Variants in ADD2 observed in about 807,000 individuals in gnomAD.
The protein encoded by ADD2 is adducin 2.
Under a neutral mutation model 83.0 loss-of-function variants are expected in ADD2, and 23 were observed. The observed-to-expected ratio is 0.28, with a 90% CI of 0.20 to 0.39. The LOEUF is 0.39. Among genes scored for constraint, ADD2 ranks in the 10% least tolerant of loss-of-function variants. ADD2 has a pLI of 1.00. For synonymous variants in ADD2, 375 were observed against 375.4 expected, an observed-to-expected ratio of 1.00 and a Z score of 0.01; for missense variants, 758 against 944.9, an observed-to-expected ratio of 0.80 and a Z score of 2.59.
At chr2:70,684,658 A>G (rs539709710) in intron 9 of ADD2, among the ~76,000 whole-genome samples, 2 of 152,372 alleles carry the variant, frequency 1.3e-5, no homozygotes, top group South Asian at 4.1e-4. Flanking sequence ...GGAAAAATAC[A>G]TTCTCCACAA....
intron 1 of ADD2, among the ~76,000 whole-genome samples, chr2:70,722,601 G>C (rs1553377568): frequency 6.6e-6 from 1 of 152,182 alleles, no homozygotes; most frequent in Non-Finnish European, 1.5e-5. Context: ...CAGATTTGTT[G>C]GCTGTCAATC....
At chr2:70,766,425 TA>T (rs1675384836) in intron 1 of ADD2, among the ~76,000 whole-genome samples, 1 of 152,226 alleles carries the variant, frequency 6.6e-6, no homozygotes, top group Non-Finnish European at 1.5e-5. Context: ...TTAAATGGTC[TA>T]AACCCCCCTT....
At chr2:70,733,799 A>G (rs1673392415) in intron 1 of ADD2, among the ~76,000 whole-genome samples, 1 of 152,194 alleles carries the variant, frequency 6.6e-6, no homozygotes, top group Non-Finnish European at 1.5e-5. Flanking sequence ...GAGGGTTTTA[A>G]TATTGTTAAT....
intron 4 of ADD2, 58 bp downstream of exon 4, chr2:70,704,263 T>TGCCCCCCCCCCCCAACC: frequency 1.1e-6 from 1 of 913,238 alleles, no homozygotes; most frequent in Non-Finnish European, 1.7e-6. Context: ...CTCCCTCTCT[T>TGCCCCCCCCCCCCAACC]CCCCACCCCA....
At chr2:70,745,489 A>T (rs954776124) in intron 1 of ADD2, among the ~76,000 whole-genome samples, 4 of 152,142 alleles carry the variant, frequency 2.6e-5, no homozygotes, top group African/African-American at 9.7e-5. Flanking sequence ...TTAGATGTGA[A>T]GGGGTTGGTC....
chr2:70,706,402 C>G lies in ADD2; in HGVS notation c.7G>C (p.Glu3Gln). The change falls in exon 3 of 16, where the codon GAA (glutamate) becomes CAA (glutamine). Residue 3 changes from glutamate to glutamine, a missense_variant. Coordinates refer to ENST00000264436, the MANE Select transcript of ADD2 (RefSeq NM_001617.4). The surrounding 1 kb of genome is among the most constrained non-coding windows in gnomAD (Gnocchi z 5.0). MS[E>Q]ETVPEAASPP... ...GAGGCAGCCTCGGGGACCGTCTCTTCGCTCATTTTCCCGGTGGGTTTGCAA... is the reference window on the plus strand; with the variant it reads ...GAGGCAGCCTCGGGGACCGTCTCTTGGCTCATTTTCCCGGTGGGTTTGCAA... The G allele has an allele frequency of 6.2e-7, 1 of 1,604,916 alleles. No homozygotes were observed. The highest frequency in any genetic ancestry group is 8.5e-7 in the Non-Finnish European group (1 of 1,176,124).
rs1553364958 is a variant in ADD2 at position 70,661,306 on chromosome 2, GT to G, written c.*2118del. ...ACGTCAGCATAATGCCTGGTGCTCA[GT>G]GGATCCTTAACAAATACCATGTAAG... On this transcript the variant is annotated 3_prime_UTR_variant, in exon 16 of 16. Coordinates refer to ENST00000264436, the MANE Select transcript of ADD2 (RefSeq NM_001617.4). 6.6e-6 allele frequency: 1 copy of G among 152,244 alleles called. No homozygotes were observed. The highest frequency in any genetic ancestry group is 1.5e-5 in the Non-Finnish European group (1 of 68,050). 9.4% of individuals were successfully genotyped at this position (152,244 alleles called of 1,614,324 possible).
intron 4 of ADD2, 48 bp downstream of exon 4, chr2:70,704,273 A>ACCCC: frequency 1.9e-6 from 1 of 523,440 alleles, no homozygotes; most frequent in Non-Finnish European, 3.1e-6. Flanking sequence ...TCCCCACCCC[A>ACCCC]CCCTCCCCTC....
intron 1 of ADD2, among the ~76,000 whole-genome samples, chr2:70,743,310 G>C (rs1248697255): frequency 6.6e-6 from 1 of 152,212 alleles, no homozygotes; most frequent in Non-Finnish European, 1.5e-5. Flanking sequence ...AAAAGGACAT[G>C]TGCAAAATAT....
At chr2:70,674,620 A>G in intron 14 of ADD2, 58 bp downstream of exon 14, 1 of 1,560,394 alleles carries the variant, frequency 6.4e-7, no homozygotes. Flanking sequence ...GGTAGTCCTG[A>G]GCTCTCCCCT....
intron 15 of ADD2, among the ~76,000 whole-genome samples, chr2:70,672,613 G>A (rs1574220362): frequency 6.6e-6 from 1 of 152,200 alleles, no homozygotes; most frequent in Admixed American, 6.5e-5. Context: ...TAACAGCCCC[G>A]GCCATGTCTG....
intron 1 of ADD2, among the ~76,000 whole-genome samples, chr2:70,754,759 T>G (rs370258943): frequency 2.0e-5 from 3 of 152,266 alleles, no homozygotes; most frequent in East Asian, 3.9e-4. Flanking sequence ...CCCTAGATCT[T>G]GCTGCTACCA....
At chr2:70,750,790 GC>G (rs1674467734) in intron 1 of ADD2, among the ~76,000 whole-genome samples, 1 of 152,146 alleles carries the variant, frequency 6.6e-6, no homozygotes, top group Non-Finnish European at 1.5e-5. Flanking sequence ...TGTAAAGGCA[GC>G]CCTGGGAAAT....
intron 9 of ADD2, chr2:70,687,410 C>T (rs185107141): frequency 6.5e-6 from 1 of 153,290 alleles, no homozygotes. Flanking sequence ...GTTCCCTGAT[C>T]ACTGACACTA....
intron 1 of ADD2, among the ~76,000 whole-genome samples, chr2:70,749,637 C>G (rs1674407866): frequency 6.6e-6 from 1 of 152,198 alleles, no homozygotes; most frequent in South Asian, 2.1e-4. Context: ...CACAAATCTT[C>G]TGGGAATTTC....
At chr2:70,664,851 T>G (rs1230087127) in intron 15 of ADD2, among the ~76,000 whole-genome samples, 1 of 151,984 alleles carries the variant, frequency 6.6e-6, no homozygotes, top group Non-Finnish European at 1.5e-5. Flanking sequence ...TGTGTCTGTG[T>G]GTGTGGTGTG....
intron 4 of ADD2, 77 bp downstream of exon 4, chr2:70,704,244 T>C: frequency 6.8e-7 from 1 of 1,473,788 alleles, no homozygotes; most frequent in South Asian, 1.2e-5. Context: ...CAGATGCTTC[T>C]TGCTGCTCCT....
intron 9 of ADD2, among the ~76,000 whole-genome samples, chr2:70,686,300 G>T (rs1276892355): frequency 6.6e-6 from 1 of 152,174 alleles, no homozygotes; most frequent in Non-Finnish European, 1.5e-5. Flanking sequence ...GGGAAAAAAA[G>T]GTCACTGGAG....
At chr2:70,725,407 A>AATAT (rs782346549) in intron 1 of ADD2, among the ~76,000 whole-genome samples, 4 of 150,178 alleles carry the variant, frequency 2.7e-5, no homozygotes, top group African/African-American at 7.3e-5. Context: ...CCCTGCCAAA[A>AATAT]ATATATATAT....
Sources: gnomAD v4.1 joint callset for allele counts (sites outside exome capture counted in the v4.1 genomes callset) on GRCh38, gnomAD v4.1.1 for gene constraint, Gnocchi (gnomAD v3.1) non-coding constraint, MANE v1.5 for transcripts, NCBI Gene and HGNC (gene_info 2026-07-23, HGNC 2026-07-21) for gene names.